The following PCDH15 variants were observed in gnomAD, a reference collection of about 807,000 sequenced individuals.
PCDH15 encodes protocadherin related 15.
Under a neutral mutation model 178.5 loss-of-function variants are expected in PCDH15, and 129 were observed. The observed-to-expected ratio is 0.72, with a 90% CI of 0.63 to 0.84. The LOEUF is 0.84. Among genes scored for constraint, PCDH15 ranks in the 40% least tolerant of loss-of-function variants. The pLI is 0.00. For missense variants in PCDH15, 2,230 were observed against 2,099.9 expected, an observed-to-expected ratio of 1.06 and a Z score of -1.21; for synonymous variants, 800 against 732.0, an observed-to-expected ratio of 1.09 and a Z score of -1.50.
At chr10:54,913,439 G>A (rs1954851132) in intron 2 of PCDH15, among the ~76,000 whole-genome samples, 1 of 152,180 alleles carries the variant, frequency 6.6e-6, no homozygotes, top group South Asian at 2.1e-4. Flanking sequence ...AAATTTCACA[G>A]GATGTATGAA....
intron 3 of PCDH15, among the ~76,000 whole-genome samples, chr10:54,891,672 G>C (rs1397555139): frequency 6.6e-6 from 1 of 152,126 alleles, no homozygotes; most frequent in Admixed American, 6.6e-5. Context: ...AAAAAGAGGG[G>C]CACTCTGAAT....
At chr10:54,431,732 C>T (rs1263180133) in intron 3 of PCDH15, among the ~76,000 whole-genome samples, 1 of 152,074 alleles carries the variant, frequency 6.6e-6, no homozygotes, top group Non-Finnish European at 1.5e-5. Context: ...TGTTGTTTAA[C>T]ACAGTACAGA....
chr10:54,458,531 A>C (rs1482184725), intron 3 of PCDH15, among the ~76,000 whole-genome samples: 1 of 152,056 alleles, frequency 6.6e-6, no homozygotes, highest in Non-Finnish European at 1.5e-5. Flanking sequence ...AAGTTATATC[A>C]GATTACTCAA....
In PCDH15 at chr10:53,828,063, G is replaced by A. The variant is rs544941167; in HGVS notation, c.4211+502C>T. Among the ~76,000 whole-genome samples the A allele has an allele frequency of 1.4e-4, 21 of 151,784 alleles. No homozygotes were observed. In the South Asian group the frequency reaches 3.7e-3, roughly 27 times the overall value. On this transcript the variant is annotated intron_variant, in intron 31 of 37. Coordinates refer to ENST00000644397, the MANE Select transcript of PCDH15 (RefSeq NM_001384140.1). ...TAAGATTCCTAGGAATGCCTAGGCC[G>A]GGCACGGTGGCTCATGCCTGTGATC...
At chr10:55,498,426 C>T (rs1589083687) in intron 2 of PCDH15, among the ~76,000 whole-genome samples, 1 of 151,824 alleles carries the variant, frequency 6.6e-6, no homozygotes. Flanking sequence ...AGTGTGTTCA[C>T]TTATTTCAAA....
At chr10:54,930,156 A>G (rs895634852) in intron 2 of PCDH15, among the ~76,000 whole-genome samples, 4 of 152,182 alleles carry the variant, frequency 2.6e-5, no homozygotes, top group Admixed American at 2.0e-4. Flanking sequence ...GTGTACAGTA[A>G]GGAGCACACA....
intron 3 of PCDH15, among the ~76,000 whole-genome samples, chr10:54,859,670 A>AGTGT (rs1348492685): frequency 6.6e-6 from 1 of 151,872 alleles, no homozygotes; most frequent in Non-Finnish European, 1.5e-5. Flanking sequence ...TTTTGATATA[A>AGTGT]GTGTATCTGT....
rs1316757069 is a variant in PCDH15 at position 54,883,595 on chromosome 10, T to TA, written c.-29+13854dup. On this transcript the variant is annotated intron_variant, in intron 3 of 5. Transcript: ENST00000458638. ...CCTTCATATTTATATATCTCACCAA[T>TA]AAAAAATACTTCTAGGTAAAAGGAA... 3.9e-5 allele frequency among the ~76,000 whole-genome samples: 6 copies of TA among 151,936 alleles called. No homozygotes were observed. The South Asian group carries it at 1.0e-3, about 26-fold the overall frequency.
At chr10:54,920,208 C>T (rs1837448601) in intron 2 of PCDH15, among the ~76,000 whole-genome samples, 1 of 152,066 alleles carries the variant, frequency 6.6e-6, no homozygotes, top group Admixed American at 6.6e-5. Flanking sequence ...CGGTGGCTCA[C>T]GCCTGTAATC....
intron 1 of PCDH15, among the ~76,000 whole-genome samples, chr10:54,780,376 A>G (rs375824942): frequency 6.6e-6 from 1 of 152,192 alleles, no homozygotes; most frequent in East Asian, 1.9e-4. Flanking sequence ...AGCATTAGCT[A>G]GCTGTGGGTC....
chr10:55,039,169 GA>G (rs1840806986), intron 2 of PCDH15, among the ~76,000 whole-genome samples: 1 of 151,606 alleles, frequency 6.6e-6, no homozygotes, highest in African/African-American at 2.4e-5. Context: ...AATTAGATTG[GA>G]AAAAACATGT....
intron 2 of PCDH15, among the ~76,000 whole-genome samples, chr10:54,973,058 G>T (rs1448077433): frequency 4.6e-5 from 7 of 151,710 alleles, no homozygotes; most frequent in Non-Finnish European, 7.4e-5. Flanking sequence ...AAATGGTTAT[G>T]ATTAATAAAG....
chr10:55,192,992 T>A (rs1022018149), intron 1 of PCDH15, among the ~76,000 whole-genome samples: 8 of 151,264 alleles, frequency 5.3e-5, no homozygotes, highest in Non-Finnish European at 8.9e-5. Context: ...TGGCTTTTTT[T>A]TTTTTTTTTG....
intron 3 of PCDH15, among the ~76,000 whole-genome samples, chr10:54,433,189 C>T (rs1957157061): frequency 6.6e-6 from 1 of 151,972 alleles, no homozygotes; most frequent in Non-Finnish European, 1.5e-5. Context: ...AAAATAGAGC[C>T]ACCACATGAC....
chr10:54,655,326 G>T (rs1481082774), intron 2 of PCDH15, among the ~76,000 whole-genome samples: 1 of 147,942 alleles, frequency 6.8e-6, no homozygotes, highest in African/African-American at 2.6e-5. Flanking sequence ...CAGAGAAAGA[G>T]AGAAAGAGAG....
chr10:54,449,784 C>T (rs1475363851), intron 3 of PCDH15, among the ~76,000 whole-genome samples: 1 of 151,496 alleles, frequency 6.6e-6, no homozygotes, highest in African/African-American at 2.4e-5. Flanking sequence ...AAATACTAGG[C>T]CATTTTATTA....
intron 2 of PCDH15, among the ~76,000 whole-genome samples, chr10:55,015,538 G>C (rs1346741734): frequency 1.3e-5 from 2 of 152,160 alleles, no homozygotes; most frequent in Non-Finnish European, 2.9e-5. Context: ...AGGTCCAATT[G>C]CTGGGTCCTT....
chr10:54,113,872 G>C (rs1205666681), intron 15 of PCDH15, among the ~76,000 whole-genome samples: 1 of 152,122 alleles, frequency 6.6e-6, no homozygotes, highest in African/African-American at 2.4e-5. Context: ...GGCTATGGAG[G>C]CCTCACAATC....
intron 2 of PCDH15, among the ~76,000 whole-genome samples, chr10:55,141,746 A>G (rs1838358479): frequency 6.6e-6 from 1 of 152,128 alleles, no homozygotes; most frequent in African/African-American, 2.4e-5. Context: ...AAAGGAAAAG[A>G]CAGATGGTTA....
Sources: gnomAD v4.1 joint callset for allele counts (sites outside exome capture counted in the v4.1 genomes callset) on GRCh38, gnomAD v4.1.1 for gene constraint, MANE v1.5 for transcripts, NCBI Gene and HGNC (gene_info 2026-07-23, HGNC 2026-07-21) for gene names.